AHDC1: variants seen among roughly 807,000 people sequenced by gnomAD.
The protein encoded by AHDC1 is AT-hook DNA binding motif containing 1.
AHDC1 carries 7 observed loss-of-function variants against 87.9 expected under a neutral mutation model. The ratio of observed to expected loss-of-function variants is 0.08; its 90% CI spans 0.05 to 0.15. AHDC1 has a LOEUF of 0.15. Ranked by LOEUF, AHDC1 falls within the 10% of genes least tolerant of loss-of-function variation. AHDC1 has a pLI of 1.00. For missense variants in AHDC1, 1,841 were observed against 2,253.2 expected (o/e 0.82, Z 3.70); for synonymous variants, 1,051 against 1,006.8 (o/e 1.04, Z -0.83).
chr1:27,591,890 G>T (rs1392706833), intron 3 of AHDC1, among the ~76,000 whole-genome samples: 1 of 152,178 alleles, frequency 6.6e-6, no homozygotes, highest in African/African-American at 2.4e-5. Flanking sequence ...CACATAATAA[G>T]TGCTTGAACA....
chr1:27,570,975 C>T (rs1159014838), intron 3 of AHDC1, among the ~76,000 whole-genome samples: 2 of 151,966 alleles, frequency 1.3e-5, no homozygotes, highest in Non-Finnish European at 2.9e-5. Context: ...GGTGACAGAC[C>T]CCCCCACTCT....
rs759587788 is a variant in AHDC1, at chr1:27,549,166, T to C, written c.2950A>G (p.Thr984Ala). 4 of 1,571,928 alleles carry C rather than the reference T, an allele frequency of 2.5e-6. No homozygotes were observed. Among genetic ancestry groups the C allele is most frequent in the Non-Finnish European group, 3.5e-6 (4 of 1,157,758 alleles). ...CAGTCCTGGCCTGTAAAGGGCTTAG[T>C]TGGGGCGAATACGCTTTGTCCGGCC... Reference protein sequence around the residue: ...YGAGQSVFAPTKPFTGQDCAN... With the variant: ...YGAGQSVFAPAKPFTGQDCAN... Residue 984 changes from threonine (T) to alanine (A), a missense_variant, in exon 8 of 9, where the codon ACT (threonine) becomes GCT (alanine). Physicochemically the swap from Thr to Ala is moderately conservative, Grantham distance 58. Transcript: ENST00000673934.
At chr1:27,537,920 C>T (rs552538431) in intron 8 of AHDC1, among the ~76,000 whole-genome samples, 5 of 152,224 alleles carry the variant, frequency 3.3e-5, no homozygotes, top group South Asian at 4.2e-4. Flanking sequence ...TCAGGTTGTC[C>T]AGAGGGGGCT....
intron 3 of AHDC1, among the ~76,000 whole-genome samples, chr1:27,599,069 G>T (rs1571353974): frequency 6.6e-6 from 1 of 152,192 alleles, no homozygotes; most frequent in East Asian, 1.9e-4. Context: ...CCTGGGGTAG[G>T]ATCATAAATG....
In AHDC1 at chr1:27,603,827, T is replaced by C. The variant is rs997966758; in HGVS notation, c.-826A>G. ...GTCTGTCTGTCTCTCAGACTGTCTC[T>C]ATTTCTCGCTCTCTCTGCCTTTCTC... On this transcript the variant is annotated 5_prime_UTR_variant, in exon 2 of 9. In the 5' UTR this introduces an upstream ATG that the reference lacks. Coordinates refer to ENST00000673934, the MANE Select transcript of AHDC1 (RefSeq NM_001371928.1). 3.9e-5 allele frequency: 6 copies of C among 152,048 alleles called. No homozygotes were observed. The highest frequency in any genetic ancestry group is 1.2e-4 in the African/African-American group (5 of 41,248). The allele number at this position is 152,048 out of a possible 1,614,324, so 9.4% of individuals were successfully genotyped here. A position where few individuals can be genotyped will look rare whatever the true frequency, so the allele number is the denominator to read the frequency against.
In AHDC1 at chr1:27,551,063, C is replaced by A; in HGVS notation, c.1053G>T (p.Gln351His). ...LDVPGRRLEP[Q>H]QPLGHCPLAE... Reference sequence around the variant, plus strand: ...CCAGTGGGCAGTGCCCCAGGGGCTGCTGGGGCTCCAGACGGCGACCTGGGA... The same window carrying A: ...CCAGTGGGCAGTGCCCCAGGGGCTGATGGGGCTCCAGACGGCGACCTGGGA... The change falls in exon 8 of 9, where the codon CAG becomes CAT. Residue 351 changes from glutamine to histidine, a missense_variant. Gln to His is a conservative substitution (Grantham distance 24, BLOSUM62 0). Coordinates refer to ENST00000673934, the MANE Select transcript of AHDC1 (RefSeq NM_001371928.1). 1 of 1,560,156 alleles carries A rather than the reference C, an allele frequency of 6.4e-7. No homozygotes were observed. The highest frequency in any genetic ancestry group is 1.2e-5 in the South Asian group (1 of 85,520).
At chr1:27,599,942 G>T (rs1047017664) in intron 3 of AHDC1, among the ~76,000 whole-genome samples, 2 of 151,802 alleles carry the variant, frequency 1.3e-5, no homozygotes, top group African/African-American at 2.4e-5. Context: ...ACATCTGCTT[G>T]TCTCTCCTCC....
intron 3 of AHDC1, among the ~76,000 whole-genome samples, chr1:27,564,342 G>A (rs1369781702): frequency 6.6e-6 from 1 of 152,130 alleles, no homozygotes; most frequent in African/African-American, 2.4e-5. Context: ...AGAAGCTGAA[G>A]CTGGAGACCA....
At chr1:27,538,522 GTTTTTTT>G (rs373338858) in intron 8 of AHDC1, among the ~76,000 whole-genome samples, 1 of 142,268 alleles carries the variant, frequency 7.0e-6, no homozygotes, top group Non-Finnish European at 1.5e-5. Context: ...GTTGTTTTTT[GTTTTTTT>G]TTTGAGACAG....
At chr1:27,557,357 G>A (rs2019870888) in intron 5 of AHDC1, among the ~76,000 whole-genome samples, 1 of 150,676 alleles carries the variant, frequency 6.6e-6, no homozygotes, top group African/African-American at 2.4e-5. Flanking sequence ...GCCCCACTAG[G>A]CCTTCCCTGC....
chr1:27,553,924 G>T (rs2019689560), intron 5 of AHDC1, among the ~76,000 whole-genome samples: 1 of 152,122 alleles, frequency 6.6e-6, no homozygotes, highest in Non-Finnish European at 1.5e-5. Flanking sequence ...AATTAGCTGG[G>T]CATGGTGGTG....
In AHDC1 at chr1:27,551,445, C is replaced by T. The variant is rs945784379; in HGVS notation, c.671G>A (p.Gly224Asp). 1.2e-6 allele frequency: 2 copies of T among 1,612,238 alleles called. No homozygotes were observed. The highest frequency in any genetic ancestry group is 1.7e-6 in the Non-Finnish European group (2 of 1,179,764). The change falls in exon 8 of 9, where the codon GGT (glycine) becomes GAT (aspartate). Residue 224 changes from glycine to aspartate, a missense_variant. By Grantham distance (94) the Gly-to-Asp change is moderately conservative (BLOSUM62 -1). Transcript: ENST00000673934. ...HSPGATAAAT[G>D]LPPEPEPDST... ...GTCTGGCTCAGGCTCTGGGGGCAGACCCGTGGCCGCAGCCGTGGCTCCGGG... is the reference window on the plus strand; with the variant it reads ...GTCTGGCTCAGGCTCTGGGGGCAGATCCGTGGCCGCAGCCGTGGCTCCGGG...
At position 27,595,937 on chromosome 1, in the gene AHDC1, G is replaced by A. The variant is rs569202567; in HGVS notation, c.-629+7460C>T. On this transcript the variant is annotated intron_variant, in intron 3 of 8. Coordinates refer to ENST00000673934, the MANE Select transcript of AHDC1 (RefSeq NM_001371928.1). This position sits in a 1 kb window ranked among gnomAD's most constrained non-coding sequence, Gnocchi z 4.0. ...GTGTGTGGGCTGGGTGTTGTAGGTG[G>A]AGCAGTTGTGTTTTAGAGGTGTTAG... Among the ~76,000 whole-genome samples the A allele has an allele frequency of 2.6e-5, 4 of 151,962 alleles. No homozygotes were observed. The South Asian group carries it at 8.3e-4, about 32-fold the overall frequency.
chr1:27,560,894 G>GGT lies in AHDC1; in HGVS notation c.-628-2013_-628-2012dup, dbSNP rs563131490. Among the ~76,000 whole-genome samples, 1 of 151,688 alleles carries GGT rather than the reference G, an allele frequency of 6.6e-6. No homozygotes were observed. The highest frequency in any genetic ancestry group is 2.4e-5 in the African/African-American group (1 of 41,248). On this transcript the variant is annotated intron_variant, in intron 3 of 8. Transcript: ENST00000673934. This position sits in a 1 kb window ranked among gnomAD's most constrained non-coding sequence, Gnocchi z 4.1. ...GCATGTGAGATACCCTTTGTGAGAC[G>GGT]GTGTGTGTGTGTCTGTGTCACTGTG...
chr1:27,539,982 T>TCC (rs766656556), intron 8 of AHDC1, among the ~76,000 whole-genome samples: 1 of 151,762 alleles, frequency 6.6e-6, no homozygotes, highest in South Asian at 2.1e-4. Context: ...TCTCTCTCTC[T>TCC]CCCCCACTCT....
Position 27,551,584 on chromosome 1 carries a change from G to A in AHDC1, c.532C>T (p.Arg178Cys), listed in dbSNP as rs775982585. The A allele has an allele frequency of 6.2e-7, 1 of 1,611,030 alleles. No individual in the cohort carries two copies. The highest frequency in any genetic ancestry group is 8.5e-7 in the Non-Finnish European group (1 of 1,177,796). ...FSSPSLANSI[R>C]SPEERATPHA... is the part of the protein sequence containing the mutation. ...GGGGTGGCCCGCTCCTCAGGGCTACGGATGCTGTTGGCCAAACTGGGTGAG... is the reference window on the plus strand; with the variant it reads ...GGGGTGGCCCGCTCCTCAGGGCTACAGATGCTGTTGGCCAAACTGGGTGAG... The change falls in exon 8 of 9, where the codon CGT (arginine) becomes TGT (cysteine). Residue 178 changes from arginine (R) to cysteine (C), a missense_variant. Physicochemically the swap from Arg to Cys is radical, Grantham distance 180. This residue lies in a region of AHDC1 where 50 missense variants were observed against 104.3 expected (regional missense o/e 0.48). Transcript: ENST00000673934.
intron 3 of AHDC1, among the ~76,000 whole-genome samples, chr1:27,576,269 G>C (rs970337717): frequency 6.6e-6 from 1 of 152,282 alleles, no homozygotes; most frequent in South Asian, 2.1e-4. Flanking sequence ...TTTGTTTGCT[G>C]TGTGCCTCTC....
At chr1:27,541,771 A>G (rs2018933171) in intron 8 of AHDC1, among the ~76,000 whole-genome samples, 1 of 151,898 alleles carries the variant, frequency 6.6e-6, no homozygotes, top group Non-Finnish European at 1.5e-5. Context: ...CTGGCACTAC[A>G]GGCACCTGCC....
intron 8 of AHDC1, among the ~76,000 whole-genome samples, chr1:27,543,663 G>A (rs1463672701): frequency 1.3e-5 from 2 of 152,168 alleles, no homozygotes; most frequent in Non-Finnish European, 2.9e-5. Context: ...GTGGGGACTG[G>A]GGCGGGTGCG....
Sources: allele counts gnomAD v4.1 joint callset (sites outside exome capture counted in the v4.1 genomes callset), GRCh38; gene constraint gnomAD v4.1.1; regional missense constraint gnomAD v4.1.1; non-coding constraint Gnocchi (gnomAD v3.1); transcripts MANE v1.5; gene names NCBI Gene and HGNC (gene_info 2026-07-23, HGNC 2026-07-21).